CSMD1: variants seen among roughly 807,000 people sequenced by gnomAD.
The protein encoded by CSMD1 is CUB and Sushi multiple domains 1, also known as CUB and sushi domain-containing protein 1.
Under a neutral mutation model 417.5 loss-of-function variants are expected in CSMD1, and 213 were observed. The ratio of observed to expected loss-of-function variants is 0.51; its 90% CI spans 0.46 to 0.57. The LOEUF (loss-of-function observed/expected upper bound fraction) is 0.57, where lower values mean the gene tolerates loss of function less well. Ranked by LOEUF, CSMD1 falls within the 20% of genes least tolerant of loss-of-function variation. The pLI, the probability that CSMD1 is intolerant of heterozygous loss-of-function variation, is 0.00. For missense variants in CSMD1, 6,923 were observed against 4,529.7 expected (o/e 1.53, Z -15.17); for synonymous variants, 2,862 against 1,736.8 (o/e 1.65, Z -16.11).
rs1465765542 is a variant in CSMD1, at chr8:3,997,989, G to A, written c.732C>T (p.Asp244=). ...AGTCAGTGAAGACCAGCGCAATGGT[G>A]TCCCCGGGCTCAGCCAGAATGGTCC... ...CTWTILAEPG[D]TIALVFTDFQ... The change falls in exon 5 of 70, where the codon GAC becomes GAT. Residue 244 remains aspartate (D), a synonymous_variant. Coordinates refer to ENST00000635120, the MANE Select transcript of CSMD1 (RefSeq NM_033225.6). 4 of 1,610,664 alleles carry A rather than the reference G, an allele frequency of 2.5e-6. No individual in the cohort carries two copies. The highest frequency in any genetic ancestry group is 1.7e-5 in the Admixed American group (1 of 59,654).
chr8:3,443,963 T>C lies in CSMD1; in HGVS notation c.1561+24749A>G, dbSNP rs576878526. 8.5e-5 allele frequency among the ~76,000 whole-genome samples: 13 copies of C among 152,270 alleles called. No individual in the cohort carries two copies. In the East Asian group the frequency reaches 2.5e-3, roughly 29 times the overall value. On this transcript the variant is annotated intron_variant, in intron 12 of 69. Coordinates refer to ENST00000635120, the MANE Select transcript of CSMD1 (RefSeq NM_033225.6). ...TCAGAGTTACTGAGAGCGGGGACAC[T>C]GGGTGAGGAAAGGACTACAGATATA... is the stretch of plus-strand genomic sequence containing the variant.
intron 2 of CSMD1, among the ~76,000 whole-genome samples, chr8:4,625,717 A>T (rs1296171600): frequency 6.6e-6 from 1 of 152,106 alleles, no homozygotes; most frequent in Non-Finnish European, 1.5e-5. Flanking sequence ...CATATTCAAG[A>T]CAGGCTTGGT....
At chr8:3,714,578 A>T (rs1801720805) in intron 6 of CSMD1, among the ~76,000 whole-genome samples, 2 of 148,418 alleles carry the variant, frequency 1.3e-5, no homozygotes, top group African/African-American at 5.0e-5. Context: ...AAAAAAAAAA[A>T]AAATTAGCCC....
At chr8:3,894,826 C>G (rs1000498524) in intron 5 of CSMD1, among the ~76,000 whole-genome samples, 4 of 152,142 alleles carry the variant, frequency 2.6e-5, no homozygotes, top group East Asian at 3.9e-4. Context: ...AATTCACTGA[C>G]AAGGGTTTGC....
At chr8:3,910,919 A>G (rs1054315449) in intron 5 of CSMD1, among the ~76,000 whole-genome samples, 1 of 152,190 alleles carries the variant, frequency 6.6e-6, no homozygotes, top group Non-Finnish European at 1.5e-5. Context: ...ATCTACACAG[A>G]ACTGTTATTA....
At chr8:4,289,088 G>A (rs1166441742) in intron 3 of CSMD1, among the ~76,000 whole-genome samples, 2 of 152,082 alleles carry the variant, frequency 1.3e-5, no homozygotes, top group Non-Finnish European at 2.9e-5. Context: ...AATTATATTT[G>A]GTGTAACAGC....
At chr8:4,705,470 TG>T (rs1807872687) in intron 1 of CSMD1, among the ~76,000 whole-genome samples, 1 of 152,204 alleles carries the variant, frequency 6.6e-6, no homozygotes, top group African/African-American at 2.4e-5. Flanking sequence ...ATAGTCTTCC[TG>T]CTGTGTACAA....
intron 46 of CSMD1, 137 bp downstream of exon 46, chr8:3,106,391 C>T (rs955144454): frequency 8.7e-6 from 5 of 575,404 alleles, no homozygotes; most frequent in Non-Finnish European, 1.5e-5. Context: ...GAGTAAGACC[C>T]TATCTCCAAG....
intron 7 of CSMD1, among the ~76,000 whole-genome samples, chr8:3,694,392 A>G (rs1223745197): frequency 6.6e-6 from 1 of 152,162 alleles, no homozygotes; most frequent in Non-Finnish European, 1.5e-5. Context: ...AAGACTGATC[A>G]ACAGCTCTGC....
chr8:3,531,099 G>A (rs963962106), intron 10 of CSMD1, among the ~76,000 whole-genome samples: 1 of 151,712 alleles, frequency 6.6e-6, no homozygotes, highest in Admixed American at 6.6e-5. Context: ...GACCTCAGGT[G>A]ACCTGCCCAC....
chr8:3,399,106 T>G (rs751527428), intron 16 of CSMD1, among the ~76,000 whole-genome samples: 5 of 152,210 alleles, frequency 3.3e-5, no homozygotes, highest in Non-Finnish European at 2.9e-5. Flanking sequence ...TTGATTCCAG[T>G]GCAGGTCCCA....
At chr8:4,147,747 C>G (rs374507603) in intron 3 of CSMD1, among the ~76,000 whole-genome samples, 3 of 152,140 alleles carry the variant, frequency 2.0e-5, no homozygotes, top group East Asian at 1.9e-4. Context: ...GTTAACAACC[C>G]CCGGCAAGCC....
chr8:3,979,882 T>C (rs1268158901), intron 5 of CSMD1, among the ~76,000 whole-genome samples: 1 of 152,210 alleles, frequency 6.6e-6, no homozygotes, highest in Non-Finnish European at 1.5e-5. Context: ...CAGTCACAAA[T>C]AAACTTTGTA....
intron 7 of CSMD1, among the ~76,000 whole-genome samples, chr8:3,662,315 G>A (rs554708007): frequency 6.6e-6 from 1 of 152,200 alleles, no homozygotes; most frequent in African/African-American, 2.4e-5. Flanking sequence ...TATAAATGTT[G>A]TAAACAGTTA....
At chr8:4,568,022 T>C (rs1798696853) in intron 2 of CSMD1, among the ~76,000 whole-genome samples, 1 of 152,208 alleles carries the variant, frequency 6.6e-6, no homozygotes, top group Non-Finnish European at 1.5e-5. Flanking sequence ...TCAGAGCCCA[T>C]TCTAAAATGT....
At chr8:3,202,708 C>G (rs934396591) in intron 31 of CSMD1, among the ~76,000 whole-genome samples, 1 of 152,158 alleles carries the variant, frequency 6.6e-6, no homozygotes. Context: ...GAAACAATTA[C>G]TGTTAATATT....
At chr8:4,127,051 G>A (rs1230478683) in intron 3 of CSMD1, among the ~76,000 whole-genome samples, 3 of 150,508 alleles carry the variant, frequency 2.0e-5, no homozygotes, top group Non-Finnish European at 4.4e-5. Context: ...CATAGTTCAA[G>A]TTTTAGCCAA....
intron 5 of CSMD1, among the ~76,000 whole-genome samples, chr8:3,823,360 G>C (rs963061840): frequency 6.6e-6 from 1 of 152,118 alleles, no homozygotes; most frequent in Non-Finnish European, 1.5e-5. Context: ...TTTAATCCCG[G>C]TTGCATTATT....
At chr8:3,570,634 C>G (rs959081288) in intron 10 of CSMD1, among the ~76,000 whole-genome samples, 2 of 152,172 alleles carry the variant, frequency 1.3e-5, no homozygotes, top group African/African-American at 4.8e-5. Flanking sequence ...CCTGGAAGCT[C>G]CCTGACTCTG....
Sources: gnomAD v4.1 joint callset for allele counts (sites outside exome capture counted in the v4.1 genomes callset) on GRCh38, gnomAD v4.1.1 for gene constraint, MANE v1.5 for transcripts, NCBI Gene and HGNC (gene_info 2026-07-23, HGNC 2026-07-21) for gene names.